The following TMEFF2 variants were observed in gnomAD, a reference collection of about 807,000 sequenced individuals.
TMEFF2 encodes transmembrane protein with EGF like and two follistatin like domains 2.
TMEFF2 carries 28 observed loss-of-function variants against 53.8 expected under a neutral mutation model. That is an observed-to-expected ratio of 0.52 (90% CI 0.39 to 0.71). The LOEUF (loss-of-function observed/expected upper bound fraction) is 0.71. Among genes scored for constraint, TMEFF2 ranks in the 30% least tolerant of loss-of-function variants. TMEFF2 has a pLI of 0.00. For missense variants in TMEFF2, 353 were observed against 455.2 expected, an observed-to-expected ratio of 0.78 and a Z score of 2.04; for synonymous variants, 162 against 166.3, an observed-to-expected ratio of 0.97 and a Z score of 0.20.
intron 7 of TMEFF2, among the ~76,000 whole-genome samples, chr2:191,975,265 CTT>C (rs57057771): frequency 4.6e-4 from 41 of 88,354 alleles, no homozygotes; most frequent in South Asian, 4.9e-4. Flanking sequence ...TCTTTTTCTT[CTT>C]TTTTTTTTTT....
chr2:192,096,139 T>C (rs1224305962), intron 4 of TMEFF2, among the ~76,000 whole-genome samples: 2 of 152,174 alleles, frequency 1.3e-5, no homozygotes, highest in Non-Finnish European at 2.9e-5. Flanking sequence ...GCGGTTGATA[T>C]TACTTAACTT....
chr2:192,166,268 T>C (rs1192983646), intron 4 of TMEFF2, among the ~76,000 whole-genome samples: 1 of 152,202 alleles, frequency 6.6e-6, no homozygotes, highest in Admixed American at 6.6e-5. Flanking sequence ...ATGGGAATTG[T>C]TCTTACAGAG....
At chr2:192,068,012 A>T (rs1381344968) in intron 4 of TMEFF2, among the ~76,000 whole-genome samples, 1 of 151,928 alleles carries the variant, frequency 6.6e-6, no homozygotes, top group Non-Finnish European at 1.5e-5. Flanking sequence ...TGAAAATGGC[A>T]TTAATTAATC....
chr2:192,096,987 T>G (rs2105940448), intron 4 of TMEFF2, among the ~76,000 whole-genome samples: 1 of 152,276 alleles, frequency 6.6e-6, no homozygotes, highest in South Asian at 2.1e-4. Context: ...ATTTTAGTGC[T>G]ATTTCTTAGT....
intron 4 of TMEFF2, among the ~76,000 whole-genome samples, chr2:192,174,743 C>T (rs771202834): frequency 1.3e-5 from 2 of 151,682 alleles, no homozygotes; most frequent in African/African-American, 2.4e-5. Flanking sequence ...AGTATTTCAG[C>T]AGAAGTTGCT....
chr2:192,133,636 C>T (rs1369978103), intron 4 of TMEFF2, among the ~76,000 whole-genome samples: 1 of 152,170 alleles, frequency 6.6e-6, no homozygotes, highest in Non-Finnish European at 1.5e-5. Flanking sequence ...TACCTCCCTC[C>T]ACAATCCGTT....
At chr2:191,972,185 C>T (rs550109835) in intron 7 of TMEFF2, among the ~76,000 whole-genome samples, 157 of 151,114 alleles carry the variant, frequency 1.0e-3, no homozygotes, top group African/African-American at 3.3e-3. Flanking sequence ...CACTCTGTTG[C>T]CCAGGCTGGA....
intron 4 of TMEFF2, among the ~76,000 whole-genome samples, chr2:192,058,719 G>A (rs557406762): frequency 7.9e-5 from 12 of 152,142 alleles, no homozygotes; most frequent in African/African-American, 2.2e-4. Context: ...ACTAACTACC[G>A]CATAGATAAT....
intron 5 of TMEFF2, among the ~76,000 whole-genome samples, chr2:192,039,813 T>A (rs553359718): frequency 6.6e-4 from 100 of 152,286 alleles, no homozygotes; most frequent in Non-Finnish European, 1.3e-3. Flanking sequence ...ACATTAGATA[T>A]TTTAGAGATG....
At position 191,982,761 on chromosome 2, in the gene TMEFF2, T is replaced by C. The variant is rs77395413; in HGVS notation, c.745+15501A>G. On this transcript the variant is annotated intron_variant, in intron 7 of 9. Coordinates refer to ENST00000272771, the MANE Select transcript of TMEFF2 (RefSeq NM_016192.4). Reference sequence around the variant, plus strand: ...TTTAAATTTTGAATGTAATATAATATTACTAGGCATTTGAGTATGTACAGT... The same window carrying C: ...TTTAAATTTTGAATGTAATATAATACTACTAGGCATTTGAGTATGTACAGT... Among the ~76,000 whole-genome samples, 139 of 152,298 alleles carry C rather than the reference T, an allele frequency of 9.1e-4. No individual in the cohort carries two copies. In the East Asian group the frequency reaches 0.026, roughly 28 times the overall value.
chr2:192,176,538 A>T (rs1669027648), intron 4 of TMEFF2, among the ~76,000 whole-genome samples: 1 of 151,308 alleles, frequency 6.6e-6, no homozygotes. Context: ...TTTGTGGGTC[A>T]TGTTGGAAGC....
At chr2:192,157,395 T>A (rs1334533449) in intron 4 of TMEFF2, among the ~76,000 whole-genome samples, 1 of 152,034 alleles carries the variant, frequency 6.6e-6, no homozygotes, top group Non-Finnish European at 1.5e-5. Context: ...GTTATATATA[T>A]CTTAAATAAG....
rs57019850 is a variant in TMEFF2, at chr2:191,955,165, GA to G, written c.869+1089del. ...GGGAGGGGGGAGGGAGGAAGAGTGG[GA>G]GAGAGAGGGAGAGAGAGAGAGAGAG... is the stretch of plus-strand genomic sequence containing the variant. On this transcript the variant is annotated intron_variant, in intron 8 of 9. Coordinates refer to ENST00000272771, the MANE Select transcript of TMEFF2 (RefSeq NM_016192.4). 7.3e-3 allele frequency among the ~76,000 whole-genome samples: 271 copies of G among 37,374 alleles called. 3 individuals are homozygous for G. The highest frequency in any genetic ancestry group is 0.016 in the South Asian group (14 of 860). The allele number at this position is 37,374 out of a possible 152,430, so 24.5% of individuals were successfully genotyped here. A position where few individuals can be genotyped will look rare whatever the true frequency, so the allele number is the denominator to read the frequency against.
chr2:192,117,115 G>C (rs957108347), intron 4 of TMEFF2, among the ~76,000 whole-genome samples: 1 of 152,042 alleles, frequency 6.6e-6, no homozygotes, highest in Admixed American at 6.6e-5. Flanking sequence ...TGTGATTACT[G>C]ATAGATGGAG....
At chr2:192,083,284 C>G (rs1688595005) in intron 4 of TMEFF2, among the ~76,000 whole-genome samples, 1 of 152,082 alleles carries the variant, frequency 6.6e-6, no homozygotes, top group African/African-American at 2.4e-5. Flanking sequence ...CTAGTCTGTC[C>G]CCAGTTCTCT....
At chr2:191,972,415 G>T (rs1358297987) in intron 7 of TMEFF2, among the ~76,000 whole-genome samples, 1 of 145,940 alleles carries the variant, frequency 6.9e-6, no homozygotes, top group African/African-American at 2.6e-5. Flanking sequence ...TGCCCACCTC[G>T]GCCTCCCAAA....
chr2:192,017,445 C>A (rs1331399203), intron 5 of TMEFF2, among the ~76,000 whole-genome samples: 4 of 152,104 alleles, frequency 2.6e-5, no homozygotes, highest in Admixed American at 6.6e-5. Context: ...AATTCAAAAG[C>A]CATATATCAA....
At chr2:192,177,255 G>T (rs905317069) in intron 4 of TMEFF2, 1 of 151,114 alleles carries the variant, frequency 6.6e-6, no homozygotes, top group South Asian at 2.1e-4. Context: ...ACAGAGGAAA[G>T]TCTATCATCT....
At chr2:192,145,263 T>A (rs1373524848) in intron 4 of TMEFF2, among the ~76,000 whole-genome samples, 2 of 151,986 alleles carry the variant, frequency 1.3e-5, no homozygotes, top group African/African-American at 2.4e-5. Context: ...CTTGTGTTTA[T>A]AAAATTCTGA....
Sources: allele counts gnomAD v4.1 joint callset (sites outside exome capture counted in the v4.1 genomes callset), GRCh38; gene constraint gnomAD v4.1.1; transcripts MANE v1.5; gene names NCBI Gene and HGNC (gene_info 2026-07-23, HGNC 2026-07-21).